Variants in PLEKHH2 observed in about 807,000 individuals in gnomAD.
The protein encoded by PLEKHH2 is pleckstrin homology domain-containing family H member 2.
PLEKHH2 carries 129 observed loss-of-function variants against 187.9 expected under a neutral mutation model. That is an observed-to-expected ratio of 0.69 (90% CI 0.59 to 0.79). The LOEUF (loss-of-function observed/expected upper bound fraction) is 0.79, where lower values mean the gene tolerates loss of function less well. PLEKHH2 is among the 30% of genes least tolerant of loss of function. The pLI is 0.00. For synonymous variants in PLEKHH2, 686 were observed against 605.6 expected (o/e 1.13, Z -1.95); for missense variants, 2,076 against 1,751.2 (o/e 1.19, Z -3.31).
chr2:43,721,746 T>C (rs1670490938), intron 16 of PLEKHH2, among the ~76,000 whole-genome samples: 1 of 151,750 alleles, frequency 6.6e-6, no homozygotes, highest in Non-Finnish European at 1.5e-5. Flanking sequence ...ATTAGCTGAG[T>C]GTGGTAGTGT....
intron 26 of PLEKHH2, among the ~76,000 whole-genome samples, chr2:43,757,506 G>A (rs1395481649): frequency 1.3e-5 from 2 of 148,654 alleles, no homozygotes; most frequent in Non-Finnish European, 3.0e-5. Context: ...TGCAAGCTCC[G>A]CCTCCCGGGT....
chr2:43,639,650 CTTTTTTT>C (rs869116400), intron 1 of PLEKHH2, among the ~76,000 whole-genome samples: 1 of 99,246 alleles, frequency 1.0e-5, no homozygotes, highest in Non-Finnish European at 1.9e-5. Flanking sequence ...GGATGTACCA[CTTTTTTT>C]TTTTTTTTTT....
intron 16 of PLEKHH2, among the ~76,000 whole-genome samples, chr2:43,725,164 C>G (rs1670679822): frequency 1.3e-5 from 2 of 152,116 alleles, no homozygotes; most frequent in African/African-American, 4.8e-5. Context: ...CTGTACAGAG[C>G]AGAGTTTTTT....
rs771087636 is a variant in PLEKHH2, at chr2:43,644,761, C to G, written c.88C>G (p.Gln30Glu). Residue 30 changes from glutamine (Q) to glutamate (E), a missense_variant, in exon 2 of 30, where the codon CAA (glutamine) becomes GAA (glutamate). Gln to Glu is a conservative substitution (Grantham distance 29). Transcript: ENST00000282406. ...LESQLMKFRV[Q>E]ASKIRELLAE... ...GTCCCAACTCATGAAATTTAGAGTT[C>G]AAGCAAGCAAGATACGAGAGCTTTT... The G allele has an allele frequency of 6.2e-7, 1 of 1,609,438 alleles. No individual in the cohort carries two copies. Among genetic ancestry groups the G allele is most frequent in the South Asian group, 1.1e-5 (1 of 90,546 alleles).
chr2:43,764,140 C>G, intron 28 of PLEKHH2, 88 bp from the exon 29 acceptor site: 1 of 772,392 alleles, frequency 1.3e-6, no homozygotes, highest in Non-Finnish European at 1.9e-6. Context: ...TAATATCTGC[C>G]TTTTAATGGA....
rs10495905 is a variant in PLEKHH2, at chr2:43,765,436, C to A, written c.4320C>A (p.Ile1440=). 5.8e-3 allele frequency: 9,380 copies of A among 1,613,956 alleles called. 142 individuals carry two copies. The highest frequency in any genetic ancestry group is 0.045 in the African/African-American group (3,408 of 74,998). Reference sequence around the variant, plus strand: ...AGATTCTTGAAATCACTCTTTTGATCGCCAGTTACATAAACAACTTCCATC... The same window carrying A: ...AGATTCTTGAAATCACTCTTTTGATAGCCAGTTACATAAACAACTTCCATC... The part of the protein sequence containing the change: ...KPKILEITLL[I]ASYINNFHQQ... The change falls in exon 30 of 30, where the codon ATC becomes ATA. Residue 1440 remains isoleucine (I), a synonymous_variant. Transcript: ENST00000282406.
Position 43,726,326 on chromosome 2 carries a change from T to C in PLEKHH2, c.2596T>C (p.Ser866Pro), listed in dbSNP as rs1431252934. The C allele has an allele frequency of 6.2e-7, 1 of 1,612,064 alleles. No individual in the cohort carries two copies. The highest frequency in any genetic ancestry group is 8.5e-7 in the Non-Finnish European group (1 of 1,178,288). The change falls in exon 17 of 30, where the codon TCT becomes CCT. Residue 866 changes from serine to proline, a missense_variant. Physicochemically the swap from Ser to Pro is moderately conservative, Grantham distance 74. Transcript: ENST00000282406. ...WEAKVEEVDRSCDSDEDYEAS... is the reference protein window; with the variant it reads ...WEAKVEEVDRPCDSDEDYEAS... Reference sequence around the variant, plus strand: ...GGCTAAAGTGGAAGAGGTTGACAGATCTTGTGATTCAGATGAAGATTATGA... The same window carrying C: ...GGCTAAAGTGGAAGAGGTTGACAGACCTTGTGATTCAGATGAAGATTATGA...
At position 43,765,408 on chromosome 2, in the gene PLEKHH2, T is replaced by A; in HGVS notation, c.4297-5T>A. On this transcript the variant is annotated splice_polypyrimidine_tract_variant and splice_region_variant and intron_variant, in intron 29 of 29. Coordinates refer to ENST00000282406, the MANE Select transcript of PLEKHH2 (RefSeq NM_172069.4). ...AGCAAAACAATTCTGTTTTCCTTGT[T>A]TTAGATTCTTGAAATCACTCTTTTG... is the stretch of plus-strand genomic sequence containing the variant. 6.2e-7 allele frequency: 1 copy of A among 1,613,716 alleles called. No homozygotes were observed. The highest frequency in any genetic ancestry group is 2.2e-5 in the East Asian group (1 of 44,878).
chr2:43,644,550 C>A, intron 1 of PLEKHH2, 121 bp from the exon 2 acceptor site: 2 of 758,020 alleles, frequency 2.6e-6, no homozygotes, highest in Non-Finnish European at 1.9e-6. Context: ...ATGGATCTCA[C>A]TAGACAGTGA....
At chr2:43,726,124 CAAAAA>C (rs3066315) in intron 16 of PLEKHH2, 143 bp from the exon 17 acceptor site, 902 of 458,570 alleles carry the variant, frequency 2.0e-3, no homozygotes, top group South Asian at 4.1e-3. Context: ...AACCCTGTCT[CAAAAA>C]AAAAAAAAAA....
At chr2:43,728,579 T>TTAA (rs1670889083) in intron 17 of PLEKHH2, among the ~76,000 whole-genome samples, 1 of 142,694 alleles carries the variant, frequency 7.0e-6, no homozygotes, top group African/African-American at 2.6e-5. Flanking sequence ...TTTTTTTTTT[T>TTAA]AAAACAGAGT....
At chr2:43,681,762 C>T (rs1668203572) in intron 3 of PLEKHH2, 1 of 458,710 alleles carries the variant, frequency 2.2e-6, no homozygotes, top group African/African-American at 2.0e-5. Context: ...GGTCTGAGAG[C>T]CTACTCTGGA....
chr2:43,641,747 G>A (rs1477250019), intron 1 of PLEKHH2, among the ~76,000 whole-genome samples: 1 of 152,168 alleles, frequency 6.6e-6, no homozygotes, highest in Non-Finnish European at 1.5e-5. Context: ...CTGTTGAAAA[G>A]ACTATTCTTT....
chr2:43,706,899 T>C (rs1267973780), intron 10 of PLEKHH2, among the ~76,000 whole-genome samples: 1 of 152,166 alleles, frequency 6.6e-6, no homozygotes, highest in Non-Finnish European at 1.5e-5. Context: ...CCAAATTCCT[T>C]TTAAAAATCA....
In PLEKHH2 at chr2:43,692,598, C is replaced by T; in HGVS notation, c.271C>T (p.Leu91=). The change falls in exon 4 of 30, where the codon CTG becomes TTG. Residue 91 remains leucine, a synonymous_variant. Transcript: ENST00000282406. ...AAGATTATATAATAAGTGTCAAGATCTGGAGTCGCTAATACAGGAAAAAGA... is the reference window on the plus strand; with the variant it reads ...AAGATTATATAATAAGTGTCAAGATTTGGAGTCGCTAATACAGGAAAAAGA... ...ETRLYNKCQD[L]ESLIQEKDDV... is the part of the protein sequence containing the mutation. 1 of 1,611,646 alleles carries T rather than the reference C, an allele frequency of 6.2e-7. No homozygotes were observed. Among genetic ancestry groups the T allele is most frequent in the Non-Finnish European group, 8.5e-7 (1 of 1,178,176 alleles).
intron 3 of PLEKHH2, among the ~76,000 whole-genome samples, chr2:43,691,227 A>T (rs74754373): frequency 6.6e-6 from 1 of 152,160 alleles, no homozygotes; most frequent in Non-Finnish European, 1.5e-5. Context: ...TTGCACGGAC[A>T]CTCAAAGAAT....
intron 26 of PLEKHH2, 36 bp downstream of exon 26, chr2:43,757,300 T>C (rs1672249923): frequency 2.9e-6 from 4 of 1,400,710 alleles, no homozygotes; most frequent in Non-Finnish European, 3.7e-6. Flanking sequence ...TAGGGTAGGG[T>C]CATACTAGTT....
chr2:43,720,410 C>T (rs539621740), intron 15 of PLEKHH2, among the ~76,000 whole-genome samples: 8 of 152,052 alleles, frequency 5.3e-5, no homozygotes, highest in Admixed American at 1.3e-4. Context: ...GCATAGTACC[C>T]GATAGGTAGC....
At chr2:43,690,216 T>C (rs1668726215) in intron 3 of PLEKHH2, among the ~76,000 whole-genome samples, 1 of 152,238 alleles carries the variant, frequency 6.6e-6, no homozygotes, top group South Asian at 2.1e-4. Context: ...ACATCATTTC[T>C]GATGCAGACC....
Sources: gnomAD v4.1 joint callset for allele counts (sites outside exome capture counted in the v4.1 genomes callset) on GRCh38, gnomAD v4.1.1 for gene constraint, MANE v1.5 for transcripts, NCBI Gene and HGNC (gene_info 2026-07-23, HGNC 2026-07-21) for gene names.